The following PDE4D variants were observed in gnomAD, a reference collection of about 807,000 sequenced individuals.
The protein encoded by PDE4D is 3',5'-cyclic-AMP phosphodiesterase 4D.
A neutral mutation model predicts 87.4 loss-of-function variants in PDE4D; 24 were observed. The ratio of observed to expected loss-of-function variants is 0.27; its 90% confidence interval spans 0.20 to 0.39. The LOEUF (loss-of-function observed/expected upper bound fraction) is 0.39. Among genes scored for constraint, PDE4D ranks in the 10% least tolerant of loss-of-function variants. PDE4D has a pLI of 1.00. For synonymous variants in PDE4D, 384 were observed against 383.2 expected, an observed-to-expected ratio of 1.00 and a Z score of -0.02; for missense variants, 714 against 1,041.0, an observed-to-expected ratio of 0.69 and a Z score of 4.32.
At chr5:59,967,704 T>G (rs2152815118) in intron 3 of PDE4D, among the ~76,000 whole-genome samples, 1 of 152,284 alleles carries the variant, frequency 6.6e-6, no homozygotes, top group South Asian at 2.1e-4. Context: ...CTCAAAGAAC[T>G]TAAAACAGAA....
At chr5:59,701,305 G>T (rs547751994) in intron 1 of PDE4D, among the ~76,000 whole-genome samples, 1 of 152,078 alleles carries the variant, frequency 6.6e-6, no homozygotes, top group African/African-American at 2.4e-5. Context: ...TGCTAATCAC[G>T]GCACTCACTA....
chr5:59,058,538 C>T lies in PDE4D; in HGVS notation c.809-19567G>A, dbSNP rs146585464. Among the ~76,000 whole-genome samples the T allele has an allele frequency of 2.2e-4, 33 of 152,264 alleles. No individual in the cohort carries two copies. The East Asian group carries it at 6.0e-3, about 28-fold the overall frequency. ...ACCAGTGTAATTATGAATAGCATTG[C>T]CTTTCATTCTAAAAAGTGTTCTGGT... is the stretch of plus-strand genomic sequence containing the variant. On this transcript the variant is annotated intron_variant, in intron 5 of 14. Coordinates refer to ENST00000340635, the MANE Select transcript of PDE4D (RefSeq NM_001104631.2).
chr5:60,339,103 T>C (rs1197390557), intron 1 of PDE4D, among the ~76,000 whole-genome samples: 1 of 152,198 alleles, frequency 6.6e-6, no homozygotes, highest in Non-Finnish European at 1.5e-5. Flanking sequence ...CTGGCATGAA[T>C]TTCTTTTTCC....
intron 1 of PDE4D, among the ~76,000 whole-genome samples, chr5:59,719,137 C>G (rs1396790761): frequency 6.6e-6 from 1 of 151,748 alleles, no homozygotes; most frequent in African/African-American, 2.4e-5. Flanking sequence ...ATTTCTACCC[C>G]AAAACAATGG....
chr5:59,960,121 A>G (rs1759304125), intron 3 of PDE4D, among the ~76,000 whole-genome samples: 1 of 152,206 alleles, frequency 6.6e-6, no homozygotes, highest in Admixed American at 6.5e-5. Flanking sequence ...ATCATCAGAG[A>G]AATGCAAATC....
At chr5:59,965,690 C>T (rs911704193) in intron 3 of PDE4D, among the ~76,000 whole-genome samples, 1 of 152,162 alleles carries the variant, frequency 6.6e-6, no homozygotes, top group Non-Finnish European at 1.5e-5. Context: ...TAATACTTTA[C>T]AAGCTTAAAT....
intron 5 of PDE4D, among the ~76,000 whole-genome samples, chr5:59,100,231 C>G (rs934242039): frequency 2.0e-5 from 3 of 152,226 alleles, no homozygotes; most frequent in African/African-American, 7.2e-5. Context: ...TGTCTATAAA[C>G]TTTTTAATAA....
At chr5:59,378,953 T>G (rs1033382515) in intron 1 of PDE4D, among the ~76,000 whole-genome samples, 7 of 142,180 alleles carry the variant, frequency 4.9e-5, no homozygotes, top group Non-Finnish European at 1.1e-4. Context: ...TAGAGGAGCA[T>G]GAGTGTGTGT....
At position 59,902,802 on chromosome 5, in the gene PDE4D, G is replaced by A. The variant is rs529818177; in HGVS notation, c.272+85686C>T. On this transcript the variant is annotated intron_variant, in intron 3 of 16. Coordinates refer to the PDE4D transcript ENST00000502484. The stretch of plus-strand genomic sequence containing the variant: ...CAGAAGAGAGAGCTGCAGGCCAGTC[G>A]TCAACACTGTATTTGTAATCTCCCC... Among the ~76,000 whole-genome samples the A allele has an allele frequency of 1.4e-4, 22 of 152,184 alleles. No individual in the cohort carries two copies. The South Asian group carries it at 2.5e-3, about 17-fold the overall frequency.
chr5:59,355,581 A>T (rs1453587004), intron 1 of PDE4D, among the ~76,000 whole-genome samples: 1 of 152,212 alleles, frequency 6.6e-6, no homozygotes, highest in Admixed American at 6.5e-5. Context: ...TAAAATTTTC[A>T]ACTAAATTTT....
At chr5:59,447,415 G>A (rs958206538) in intron 1 of PDE4D, among the ~76,000 whole-genome samples, 1 of 152,154 alleles carries the variant, frequency 6.6e-6, no homozygotes, top group Non-Finnish European at 1.5e-5. Flanking sequence ...ACTTTTTAGG[G>A]TGTCCATTGT....
At chr5:59,146,640 T>C (rs1443363641) in intron 5 of PDE4D, among the ~76,000 whole-genome samples, 1 of 152,184 alleles carries the variant, frequency 6.6e-6, no homozygotes, top group Non-Finnish European at 1.5e-5. Flanking sequence ...ATTTTCAAAT[T>C]GTACTTGGAA....
At chr5:60,100,557 G>C (rs1776113617) in intron 2 of PDE4D, among the ~76,000 whole-genome samples, 1 of 151,950 alleles carries the variant, frequency 6.6e-6, no homozygotes, top group Admixed American at 6.6e-5. Context: ...ATGTAAAATA[G>C]CACCAGTGAG....
chr5:60,502,594 A>G (rs556826432), intron 1 of PDE4D, among the ~76,000 whole-genome samples: 1 of 152,184 alleles, frequency 6.6e-6, no homozygotes, highest in African/African-American at 2.4e-5. Context: ...CTATTCGGCC[A>G]TCTTGGCTGT....
rs1490291783 is a variant in PDE4D at position 60,282,235 on chromosome 5, A to ATATATATATATG, written c.-89-96549_-89-96548insCATATATATATA. On this transcript the variant is annotated intron_variant, in intron 1 of 16. Coordinates refer to the PDE4D transcript ENST00000502484. The stretch of plus-strand genomic sequence containing the variant: ...TATATATATATATATATATATATAT[A>ATATATATATATG]TATTTCTCAAAATGAGCTCTATTTG... 1.1e-3 allele frequency among the ~76,000 whole-genome samples: 151 copies of ATATATATATATG among 132,064 alleles called. 2 individuals carry two copies. The highest frequency in any genetic ancestry group is 7.8e-3 in the Middle Eastern group (2 of 258). 86.6% of individuals were successfully genotyped at this position (132,064 alleles called of 152,430 possible).
chr5:59,167,595 T>C (rs886967754), intron 5 of PDE4D, among the ~76,000 whole-genome samples: 2 of 152,220 alleles, frequency 1.3e-5, no homozygotes, highest in Non-Finnish European at 2.9e-5. Flanking sequence ...GCTAACACTG[T>C]AGGCAGCTTC....
At chr5:59,472,574 C>T (rs1802620130) in intron 1 of PDE4D, among the ~76,000 whole-genome samples, 1 of 152,120 alleles carries the variant, frequency 6.6e-6, no homozygotes, top group Non-Finnish European at 1.5e-5. Context: ...ATTTCCATTA[C>T]CTTGACTTTT....
intron 5 of PDE4D, chr5:59,180,379 A>AATGT (rs781355478): frequency 5.6e-5 from 39 of 702,408 alleles, no homozygotes; most frequent in Non-Finnish European, 5.2e-6. Context: ...GGTTAAAAAT[A>AATGT]ATGTACATCA....
chr5:59,839,870 C>T (rs1742708929), intron 1 of PDE4D, among the ~76,000 whole-genome samples: 2 of 152,056 alleles, frequency 1.3e-5, no homozygotes, highest in African/African-American at 4.8e-5. Flanking sequence ...AGGTTATAAA[C>T]TGGACTGCTC....
Sources: gnomAD v4.1 joint callset for allele counts (sites outside exome capture counted in the v4.1 genomes callset) on GRCh38, gnomAD v4.1.1 for gene constraint, MANE v1.5 for transcripts, NCBI Gene and HGNC (gene_info 2026-07-23, HGNC 2026-07-21) for gene names.